MYO16: variants seen among roughly 807,000 people sequenced by gnomAD.
MYO16 encodes the protein myosin XVI, also known as unconventional myosin-XVI.
MYO16 carries 94 observed loss-of-function variants against 205.3 expected under a neutral mutation model. The observed-to-expected ratio is 0.46, with a 90% CI of 0.39 to 0.54. The LOEUF is 0.54. Ranked by LOEUF, MYO16 falls within the 20% of genes least tolerant of loss-of-function variation. MYO16 has a pLI of 0.00. For missense variants in MYO16, 2,315 were observed against 2,387.5 expected, an observed-to-expected ratio of 0.97 and a Z score of 0.63; for synonymous variants, 988 against 954.0, an observed-to-expected ratio of 1.04 and a Z score of -0.66.
the MYO16 span, among the ~76,000 whole-genome samples, chr13:108,524,974 T>C: frequency 6.6e-6 from 1 of 152,230 alleles, no homozygotes; most frequent in East Asian, 1.9e-4. Flanking sequence ...ATGATTGCCC[T>C]ATAATTTATA....
chr13:108,747,618 T>C (rs72666789), intron 4 of MYO16, among the ~76,000 whole-genome samples: 1 of 151,948 alleles, frequency 6.6e-6, no homozygotes, highest in Non-Finnish European at 1.5e-5. Context: ...GAAGAGAAAA[T>C]AGAAACGAAG....
intron 4 of MYO16, among the ~76,000 whole-genome samples, chr13:108,769,845 G>A (rs1885904192): frequency 6.6e-6 from 1 of 152,154 alleles, no homozygotes; most frequent in African/African-American, 2.4e-5. Flanking sequence ...CGGAGGCACT[G>A]AGCACTTAAG....
rs553134213 is a variant in MYO16, at chr13:109,174,066, C to T, written c.5324-5476C>T. The stretch of plus-strand genomic sequence containing the variant: ...GTTTTGAATTCATTCACTACTTAAG[C>T]CTTGGCAGGTTTTGTACATGAAGCA... On this transcript the variant is annotated intron_variant, in intron 33 of 34. Transcript: ENST00000457511. Among the ~76,000 whole-genome samples the T allele has an allele frequency of 7.9e-5, 12 of 151,832 alleles. No individual in the cohort carries two copies. In the South Asian group the frequency reaches 2.5e-3, roughly 32 times the overall value.
intron 32 of MYO16, among the ~76,000 whole-genome samples, chr13:109,161,118 T>G (rs1325762229): frequency 2.0e-5 from 3 of 152,218 alleles, no homozygotes; most frequent in Non-Finnish European, 2.9e-5. Context: ...TTCAGTAGAA[T>G]GCCGCGGCTA....
At chr13:108,964,666 A>T (rs574483996) in intron 19 of MYO16, 95 bp from the exon 20 acceptor site, 4 of 1,256,964 alleles carry the variant, frequency 3.2e-6, no homozygotes, top group East Asian at 4.7e-5. Flanking sequence ...TGTCTTGTGG[A>T]TGTGTGGGGA....
chr13:108,791,712 AC>A (rs995707231), intron 5 of MYO16, among the ~76,000 whole-genome samples: 2 of 152,226 alleles, frequency 1.3e-5, no homozygotes, highest in African/African-American at 4.8e-5. Flanking sequence ...GAGAAAAGAT[AC>A]CAGATATGCA....
At chr13:108,845,293 A>G (rs1173695373) in intron 10 of MYO16, among the ~76,000 whole-genome samples, 1 of 152,182 alleles carries the variant, frequency 6.6e-6, no homozygotes, top group Non-Finnish European at 1.5e-5. Context: ...AAATTTTAGC[A>G]GGTGTATTCA....
Position 109,048,477 on chromosome 13 carries a change from A to G in MYO16, c.2872+1486A>G, listed in dbSNP as rs1887125575. The G allele has an allele frequency of 1.3e-5, 7 of 539,422 alleles. No homozygotes were observed. In the South Asian group the frequency reaches 1.6e-4, roughly 12 times the overall value. 33.4% of individuals were successfully genotyped at this position (539,422 alleles called of 1,614,324 possible). A position where few individuals can be genotyped will look rare whatever the true frequency, so the allele number is the denominator to read the frequency against. On this transcript the variant is annotated intron_variant, in intron 24 of 34. Transcript: ENST00000457511. Reference sequence around the variant, plus strand: ...TTGTGCACCATAAGATCCTTGTTGCAGTTACTCACCTCTGCTGTTATAATG... The same window carrying G: ...TTGTGCACCATAAGATCCTTGTTGCGGTTACTCACCTCTGCTGTTATAATG...
At chr13:109,073,360 C>T (rs1324318439) in intron 27 of MYO16, among the ~76,000 whole-genome samples, 1 of 152,004 alleles carries the variant, frequency 6.6e-6, no homozygotes, top group African/African-American at 2.4e-5. Flanking sequence ...ATCCACCCAC[C>T]TTGGCCTCCC....
At chr13:109,151,026 G>T (rs1363189547) in intron 32 of MYO16, among the ~76,000 whole-genome samples, 1 of 152,206 alleles carries the variant, frequency 6.6e-6, no homozygotes, top group African/African-American at 2.4e-5. Flanking sequence ...GTCCTAAAGA[G>T]AGACTGGGCA....
chr13:109,078,692 C>T (rs182762398), intron 27 of MYO16, among the ~76,000 whole-genome samples: 15 of 152,112 alleles, frequency 9.9e-5, no homozygotes, highest in Admixed American at 7.9e-4. Context: ...AAGTAAGTCC[C>T]TTGGAAACAG....
chr13:109,065,586 T>C, intron 27 of MYO16: 1 of 473,168 alleles, frequency 2.1e-6, no homozygotes, highest in East Asian at 5.6e-5. Flanking sequence ...CTACAGGAGA[T>C]GTTTTATATG....
intron 19 of MYO16, 119 bp from the exon 20 acceptor site, chr13:108,964,642 T>C: frequency 9.1e-7 from 1 of 1,103,284 alleles, no homozygotes; most frequent in Non-Finnish European, 1.3e-6. Context: ...TCCGTATAAT[T>C]TTTATACATC....
intron 28 of MYO16, among the ~76,000 whole-genome samples, chr13:109,117,438 GTA>G (rs899860370): frequency 2.3e-4 from 33 of 141,316 alleles, no homozygotes; most frequent in African/African-American, 5.1e-4. Flanking sequence ...GTATATATAT[GTA>G]TATATATGTA....
intron 1 of MYO16, among the ~76,000 whole-genome samples, chr13:108,617,355 A>G (rs1299259608): frequency 1.3e-5 from 2 of 152,118 alleles, no homozygotes; most frequent in Admixed American, 6.6e-5. Flanking sequence ...TCACTCTTTC[A>G]TACGCCCTCA....
At chr13:108,746,255 G>T (rs964341214) in intron 4 of MYO16, among the ~76,000 whole-genome samples, 1 of 152,032 alleles carries the variant, frequency 6.6e-6, no homozygotes, top group Non-Finnish European at 1.5e-5. Flanking sequence ...GAATGCCTTT[G>T]ATGGGCTCCT....
chr13:108,793,399 G>A (rs944168040), intron 5 of MYO16, 117 bp from the exon 6 acceptor site: 40 of 928,714 alleles, frequency 4.3e-5, no homozygotes, highest in Non-Finnish European at 6.2e-5. Flanking sequence ...TGTTCAAAGT[G>A]GAAGAGAAGC....
At chr13:108,644,738 T>A (rs1880677238) in intron 1 of MYO16, among the ~76,000 whole-genome samples, 1 of 152,206 alleles carries the variant, frequency 6.6e-6, no homozygotes, top group Non-Finnish European at 1.5e-5. Context: ...ATTTAAATAA[T>A]TAGCTTTCGG....
At chr13:108,979,164 CTGAAGTTT>C (rs1884372069) in intron 20 of MYO16, among the ~76,000 whole-genome samples, 1 of 151,812 alleles carries the variant, frequency 6.6e-6, no homozygotes, top group Admixed American at 6.6e-5. Flanking sequence ...TAATTAATTT[CTGAAGTTT>C]CAAAAATATA....
Sources: allele counts gnomAD v4.1 joint callset (sites outside exome capture counted in the v4.1 genomes callset), GRCh38; gene constraint gnomAD v4.1.1; transcripts MANE v1.5; gene names NCBI Gene and HGNC (gene_info 2026-07-23, HGNC 2026-07-21).